The following MAP3K13 variants were observed in gnomAD, a reference collection of about 807,000 sequenced individuals.
MAP3K13 encodes mitogen-activated protein kinase kinase kinase 13.
In MAP3K13, 52 loss-of-function variants were observed where a neutral mutation model predicts 104.0. The ratio of observed to expected loss-of-function variants is 0.50; its 90% CI spans 0.40 to 0.63. The LOEUF (loss-of-function observed/expected upper bound fraction) is 0.63, where lower values mean the gene tolerates loss of function less well. MAP3K13 is among the 20% of genes least tolerant of loss of function. MAP3K13 has a pLI of 0.00. For synonymous variants in MAP3K13, 394 were observed against 442.2 expected, an observed-to-expected ratio of 0.89 and a Z score of 1.37; for missense variants, 914 against 1,218.5, an observed-to-expected ratio of 0.75 and a Z score of 3.72.
Position 185,483,713 on chromosome 3 carries a change from T to TTTTTTTTTTTTTGGTTTGTTGGTTTGG in MAP3K13, c.*1269_*1270insGGTTTGTTGGTTTGGTTTTTTTTTTTT, listed in dbSNP as rs1718589637. The TTTTTTTTTTTTTGGTTTGTTGGTTTGG allele has an allele frequency of 1.3e-5, 2 of 159,740 alleles. No individual in the cohort carries two copies. Among genetic ancestry groups the TTTTTTTTTTTTTGGTTTGTTGGTTTGG allele is most frequent in the Non-Finnish European group, 2.6e-5 (2 of 77,586 alleles). 9.9% of individuals were successfully genotyped at this position (159,740 alleles called of 1,614,324 possible). ...TAACTCATTCTATCTTAGAAGTTCT[T>TTTTTTTTTTTTTGGTTTGTTGGTTTGG]TTTTTTTTTTTTTTTTTTGACAGAG... On this transcript the variant is annotated 3_prime_UTR_variant, in exon 14 of 14. Transcript: ENST00000265026.
At position 185,363,312 on chromosome 3, in the gene MAP3K13, C is replaced by T; in HGVS notation, c.-142C>T. On this transcript the variant is annotated 5_prime_UTR_variant, in exon 1 of 14. Coordinates refer to ENST00000265026, the MANE Select transcript of MAP3K13 (RefSeq NM_004721.5). ...ATTCTGCAAGGCTTTTAAAATTCAC[C>T]TTACATCTTTTCAAAGCAAGAAAAT... 4.1e-6 allele frequency: 4 copies of T among 985,312 alleles called. No homozygotes were observed. The highest frequency in any genetic ancestry group is 4.8e-6 in the Non-Finnish European group (4 of 829,896). 61.0% of individuals were successfully genotyped at this position (985,312 alleles called of 1,614,324 possible).
intron 2 of MAP3K13, among the ~76,000 whole-genome samples, chr3:185,329,893 C>CTTTTTTTTTTTTTTT (rs71162293): frequency 9.6e-6 from 1 of 104,662 alleles, no homozygotes; most frequent in Non-Finnish European, 1.8e-5. Flanking sequence ...AGCCAGTAGC[C>CTTTTTTTTTTTTTTT]TTTTTTTTTT....
At chr3:185,371,319 G>A (rs768687527) in intron 1 of MAP3K13, among the ~76,000 whole-genome samples, 1 of 152,202 alleles carries the variant, frequency 6.6e-6, no homozygotes, top group Non-Finnish European at 1.5e-5. Context: ...TTTTCATATA[G>A]CATTTTCATT....
chr3:185,451,187 G>T, intron 6 of MAP3K13, 100 bp from the exon 7 acceptor site: 1 of 755,510 alleles, frequency 1.3e-6, no homozygotes, highest in Non-Finnish European at 2.2e-6. Flanking sequence ...CTCAGATATA[G>T]CCATTTTGAA....
chr3:185,368,809 A>G (rs1724015990), intron 1 of MAP3K13, among the ~76,000 whole-genome samples: 1 of 152,088 alleles, frequency 6.6e-6, no homozygotes, highest in Admixed American at 6.5e-5. Flanking sequence ...ATACAAAAAA[A>G]TTAGCCAGGC....
At chr3:185,373,834 T>C (rs926025146) in intron 1 of MAP3K13, among the ~76,000 whole-genome samples, 1 of 150,374 alleles carries the variant, frequency 6.7e-6, no homozygotes, top group African/African-American at 2.5e-5. Flanking sequence ...TTTTTTTTTT[T>C]TTTTTTTTTT....
At chr3:185,352,738 A>T (rs1723183675) in intron 2 of MAP3K13, among the ~76,000 whole-genome samples, 1 of 152,218 alleles carries the variant, frequency 6.6e-6, no homozygotes. Context: ...ATTGATGTTC[A>T]GAGTATCTAA....
chr3:185,449,156 G>A (rs1715748750), intron 5 of MAP3K13, among the ~76,000 whole-genome samples: 1 of 152,182 alleles, frequency 6.6e-6, no homozygotes, highest in Middle Eastern at 3.4e-3. Context: ...TGGATCACTT[G>A]AGGTCAGGAG....
At chr3:185,421,468 G>A (rs1305987458) in intron 1 of MAP3K13, among the ~76,000 whole-genome samples, 1 of 152,142 alleles carries the variant, frequency 6.6e-6, no homozygotes, top group African/African-American at 2.4e-5. Context: ...AAAGTGCTGG[G>A]ATTACAGGCA....
intron 1 of MAP3K13, among the ~76,000 whole-genome samples, chr3:185,372,385 C>T (rs1724205741): frequency 6.6e-6 from 1 of 152,172 alleles, no homozygotes; most frequent in South Asian, 2.1e-4. Flanking sequence ...AATAATAGAT[C>T]ATTTGCTTGT....
chr3:185,361,388 GT>G (rs1400378238), upstream of MAP3K13, among the ~76,000 whole-genome samples: 5 of 147,922 alleles, frequency 3.4e-5, no homozygotes, highest in African/African-American at 1.0e-4. Flanking sequence ...CCATTTGTTC[GT>G]TTTTTGTTTT....
rs1318230524 is a variant in MAP3K13 at position 185,455,422 on chromosome 3, TGATATATATGA to T, written c.1278+4037_1278+4047del. On this transcript the variant is annotated intron_variant, in intron 7 of 13. Transcript: ENST00000265026. The stretch of plus-strand genomic sequence containing the variant: ...ATGAGATATATATATGAGATATATA[TGATATATATGA>T]GATATATATATGAGATATATATCAT... 3.5e-3 allele frequency among the ~76,000 whole-genome samples: 165 copies of T among 47,060 alleles called. 25 individuals are homozygous for T. The highest frequency in any genetic ancestry group is 9.2e-3 in the African/African-American group (142 of 15,352). The allele number at this position is 47,060 out of a possible 152,430, so 30.9% of individuals were successfully genotyped here.
At chr3:185,344,068 C>T (rs373414772) in intron 2 of MAP3K13, among the ~76,000 whole-genome samples, 1 of 152,176 alleles carries the variant, frequency 6.6e-6, no homozygotes, top group African/African-American at 2.4e-5. Context: ...TAGAAAATTG[C>T]TATTGAATGT....
chr3:185,331,372 G>C (rs1047364540), intron 2 of MAP3K13, among the ~76,000 whole-genome samples: 1 of 152,008 alleles, frequency 6.6e-6, no homozygotes, highest in African/African-American at 2.4e-5. Context: ...TGGGATTACA[G>C]GCGTGAACCA....
intron 1 of MAP3K13, among the ~76,000 whole-genome samples, chr3:185,415,689 T>G (rs1713727548): frequency 6.7e-6 from 1 of 150,158 alleles, no homozygotes; most frequent in Admixed American, 6.8e-5. Context: ...GCTCAAGAGA[T>G]TCTCCTGCCT....
intron 2 of MAP3K13, among the ~76,000 whole-genome samples, chr3:185,326,701 C>T (rs1342374824): frequency 1.3e-5 from 2 of 151,864 alleles, no homozygotes; most frequent in Non-Finnish European, 2.9e-5. Context: ...TGTGTTTGAT[C>T]CCAACACAGG....
At chr3:185,321,239 C>T (rs555192525) in intron 2 of MAP3K13, among the ~76,000 whole-genome samples, 3 of 152,080 alleles carry the variant, frequency 2.0e-5, no homozygotes, top group East Asian at 1.9e-4. Context: ...CACATATACA[C>T]GTGTATATTA....
At chr3:185,455,601 T>TG (rs201694241) in intron 7 of MAP3K13, among the ~76,000 whole-genome samples, 1 of 117,938 alleles carries the variant, frequency 8.5e-6, no homozygotes, top group African/African-American at 3.2e-5. Flanking sequence ...ATGAGATATA[T>TG]ATATCATATA....
rs1001444375 is a variant in MAP3K13, at chr3:185,428,551, A to G, written c.-31A>G. 1 of 1,526,924 alleles carries G rather than the reference A, an allele frequency of 6.5e-7. No homozygotes were observed. The highest frequency in any genetic ancestry group is 1.4e-5 in the African/African-American group (1 of 72,086). 94.6% of individuals were successfully genotyped at this position (1,526,924 alleles called of 1,614,324 possible). A position where few individuals can be genotyped will look rare whatever the true frequency, so the allele number is the denominator to read the frequency against. ...CTGTCCCAAAAATCTTCTGAGTGTC[A>G]TCTCAGGACTTTGGTTATACTCATG... On this transcript the variant is annotated 5_prime_UTR_variant, in exon 2 of 14. Transcript: ENST00000265026.
Sources: allele counts gnomAD v4.1 joint callset (sites outside exome capture counted in the v4.1 genomes callset), GRCh38; gene constraint gnomAD v4.1.1; transcripts MANE v1.5; gene names NCBI Gene and HGNC (gene_info 2026-07-23, HGNC 2026-07-21).